NOVA1: variants seen among roughly 807,000 people sequenced by gnomAD.
NOVA1 encodes RNA-binding protein Nova-1.
Under a neutral mutation model 38.0 loss-of-function variants are expected in NOVA1, and 7 were observed. The ratio of observed to expected loss-of-function variants is 0.18; its 90% CI spans 0.10 to 0.35. The LOEUF is 0.35. Ranked by LOEUF, NOVA1 falls within the 10% of genes least tolerant of loss-of-function variation. NOVA1 has a pLI of 1.00. For synonymous variants in NOVA1, 270 were observed against 232.5 expected, an observed-to-expected ratio of 1.16 and a Z score of -1.47; for missense variants, 460 against 616.0, an observed-to-expected ratio of 0.75 and a Z score of 2.68.
intron 3 of NOVA1, among the ~76,000 whole-genome samples, chr14:26,477,981 C>G (rs1476541225): frequency 6.6e-6 from 1 of 151,910 alleles, no homozygotes; most frequent in Non-Finnish European, 1.5e-5. Context: ...GATACACTGT[C>G]ACATACATTA....
chr14:26,525,617 A>G (rs1332019916), intron 2 of NOVA1, among the ~76,000 whole-genome samples: 1 of 152,126 alleles, frequency 6.6e-6, no homozygotes, highest in East Asian at 1.9e-4. Context: ...TCCTCAAAAC[A>G]TATTTCCAGG....
intron 2 of NOVA1, among the ~76,000 whole-genome samples, chr14:26,529,971 G>A (rs981335662): frequency 2.0e-5 from 3 of 152,006 alleles, no homozygotes; most frequent in Non-Finnish European, 2.9e-5. Flanking sequence ...CCAGGCTGGA[G>A]AGCAGTGGCG....
chr14:26,476,782 T>C (rs193152114), intron 3 of NOVA1, among the ~76,000 whole-genome samples: 3 of 151,146 alleles, frequency 2.0e-5, no homozygotes, highest in Admixed American at 2.0e-4. Flanking sequence ...AATGGCGCGA[T>C]CTTGGCTCAC....
At chr14:26,489,860 T>G (rs1886199852) in intron 2 of NOVA1, among the ~76,000 whole-genome samples, 2 of 152,028 alleles carry the variant, frequency 1.3e-5, no homozygotes, top group Non-Finnish European at 2.9e-5. Flanking sequence ...AAATAAAAAT[T>G]GTGCTACATA....
At chr14:26,596,606 T>G in intron 1 of NOVA1, 1 of 1,289,170 alleles carries the variant, frequency 7.8e-7, no homozygotes, top group Non-Finnish European at 1.0e-6. Flanking sequence ...ATTGTTAAGA[T>G]GATTCCAGTG....
chr14:26,548,511 A>G (rs1890957628), intron 2 of NOVA1, among the ~76,000 whole-genome samples: 1 of 152,146 alleles, frequency 6.6e-6, no homozygotes, highest in Admixed American at 6.5e-5. Context: ...CAGTCTATAA[A>G]TGTAGCAGAA....
chr14:26,596,061 C>A (rs145847698), intron 1 of NOVA1: 2 of 230,046 alleles, frequency 8.7e-6, no homozygotes, highest in East Asian at 1.3e-4. Flanking sequence ...ACTTAAAGTC[C>A]GCAAAACAAC....
At chr14:26,482,993 G>T (rs1320267941) in intron 2 of NOVA1, among the ~76,000 whole-genome samples, 2 of 152,058 alleles carry the variant, frequency 1.3e-5, no homozygotes, top group Non-Finnish European at 2.9e-5. Flanking sequence ...ACCACGCCCG[G>T]CTTAAGAGAC....
intron 3 of NOVA1, among the ~76,000 whole-genome samples, chr14:26,476,584 T>C (rs1324956531): frequency 2.6e-5 from 4 of 152,282 alleles, no homozygotes; most frequent in African/African-American, 9.6e-5. Context: ...AATAAGTGTT[T>C]TTCTTTCTTC....
At chr14:26,454,473 A>G (rs553097291) in intron 4 of NOVA1, among the ~76,000 whole-genome samples, 1 of 152,310 alleles carries the variant, frequency 6.6e-6, no homozygotes, top group South Asian at 2.1e-4. Flanking sequence ...GAGAAGAGGA[A>G]GAACCTGACT....
chr14:26,539,505 G>A (rs1890315037), intron 2 of NOVA1, among the ~76,000 whole-genome samples: 1 of 150,908 alleles, frequency 6.6e-6, no homozygotes, highest in South Asian at 2.1e-4. Flanking sequence ...TATAAAAAGT[G>A]GATTTATAAA....
chr14:26,597,360 C>A lies in NOVA1; in HGVS notation c.77G>T (p.Arg26Leu). Reference sequence around the variant, plus strand: ...AGGGGGGGCTTCCAGCGGCCTTTTCCGCGAGTCCGGCGGGTCCAGGTCTAT... The same window carrying A: ...AGGGGGGGCTTCCAGCGGCCTTTTCAGCGAGTCCGGCGGGTCCAGGTCTAT... ...VPIDLDPPDS[R>L]KRPLEAPPEA... Residue 26 changes from arginine to leucine, a missense_variant, in exon 1 of 5, where the codon CGG (arginine) becomes CTG (leucine). Physicochemically the swap from Arg to Leu is moderately radical, Grantham distance 102 (BLOSUM62 -2). Coordinates refer to ENST00000539517, the MANE Select transcript of NOVA1 (RefSeq NM_002515.3). The A allele has an allele frequency of 7.8e-7, 1 of 1,274,444 alleles. No homozygotes were observed. Among genetic ancestry groups the A allele is most frequent in the African/African-American group, 1.5e-5 (1 of 66,124 alleles). 78.9% of individuals were successfully genotyped at this position (1,274,444 alleles called of 1,614,324 possible).
chr14:26,591,005 T>C (rs1354273821), intron 2 of NOVA1, among the ~76,000 whole-genome samples: 1 of 151,752 alleles, frequency 6.6e-6, no homozygotes, highest in Non-Finnish European at 1.5e-5. Context: ...TAATTCATCT[T>C]TCTAAAAACC....
intron 2 of NOVA1, among the ~76,000 whole-genome samples, chr14:26,520,627 A>C (rs1888803242): frequency 1.3e-5 from 2 of 152,252 alleles, no homozygotes; most frequent in South Asian, 4.1e-4. Context: ...CAGGTGACTC[A>C]AATTCTTTTT....
chr14:26,564,164 G>GA (rs1335961915), intron 2 of NOVA1, among the ~76,000 whole-genome samples: 2 of 151,906 alleles, frequency 1.3e-5, no homozygotes, highest in Non-Finnish European at 2.9e-5. Context: ...TAATTATCTG[G>GA]AAAACACTTC....
intron 2 of NOVA1, among the ~76,000 whole-genome samples, chr14:26,491,882 T>C (rs190800863): frequency 2.0e-5 from 3 of 152,282 alleles, no homozygotes; most frequent in Non-Finnish European, 2.9e-5. Flanking sequence ...CTCAACTCTG[T>C]AATTTTTCAA....
At chr14:26,497,832 T>C (rs1380462756) in intron 2 of NOVA1, among the ~76,000 whole-genome samples, 2 of 152,148 alleles carry the variant, frequency 1.3e-5, no homozygotes, top group Non-Finnish European at 2.9e-5. Flanking sequence ...AAACTGAGGC[T>C]TTCTTAGAAT....
At chr14:26,538,485 G>T (rs1890255943) in intron 2 of NOVA1, among the ~76,000 whole-genome samples, 1 of 152,064 alleles carries the variant, frequency 6.6e-6, no homozygotes, top group South Asian at 2.1e-4. Flanking sequence ...CGATTAAATT[G>T]TATTTCCAAA....
At chr14:26,524,216 A>C (rs1237763317) in intron 2 of NOVA1, among the ~76,000 whole-genome samples, 1 of 152,158 alleles carries the variant, frequency 6.6e-6, no homozygotes, top group Non-Finnish European at 1.5e-5. Flanking sequence ...TAGCTATAAC[A>C]GTTTGATTAG....
Sources: allele counts gnomAD v4.1 joint callset (sites outside exome capture counted in the v4.1 genomes callset), GRCh38; gene constraint gnomAD v4.1.1; transcripts MANE v1.5; gene names NCBI Gene and HGNC (gene_info 2026-07-23, HGNC 2026-07-21).